The following IKBKB variants were observed in gnomAD, a reference collection of about 807,000 sequenced individuals.
IKBKB encodes inhibitor of nuclear factor kappa B kinase subunit beta.
Under a neutral mutation model 113.6 loss-of-function variants are expected in IKBKB, and 42 were observed. That is an observed-to-expected ratio of 0.37 (90% CI 0.29 to 0.48). The LOEUF is 0.48. Ranked by LOEUF, IKBKB falls within the 20% of genes least tolerant of loss-of-function variation. The pLI, the probability that IKBKB is intolerant of heterozygous loss-of-function variation, is 0.99. For synonymous variants in IKBKB, 296 were observed against 361.3 expected (o/e 0.82, Z 2.05); for missense variants, 673 against 939.7 (o/e 0.72, Z 3.71).
rs1251525121 is a variant in IKBKB, at chr8:42,316,420, A to T, written c.930+81A>T. 1.4e-5 allele frequency: 21 copies of T among 1,545,182 alleles called. No individual in the cohort carries two copies. The highest frequency in any genetic ancestry group is 1.8e-5 in the Non-Finnish European group (20 of 1,132,864). ...TGCAGTTCTTAGGACAGAGCAGGGGATGGGGCCAGCTGACCTAGTGAGGAA... is the reference window on the plus strand; with the variant it reads ...TGCAGTTCTTAGGACAGAGCAGGGGTTGGGGCCAGCTGACCTAGTGAGGAA... On this transcript the variant is annotated intron_variant, in intron 10 of 21. Transcript: ENST00000520810. This position sits in a 1 kb window ranked among gnomAD's most constrained non-coding sequence, Gnocchi z 4.5.
intron 5 of IKBKB, among the ~76,000 whole-genome samples, chr8:42,299,119 GTCT>G (rs1267016151): frequency 6.6e-6 from 1 of 152,100 alleles, no homozygotes; most frequent in East Asian, 1.9e-4. Context: ...AGCTCTGGTT[GTCT>G]TCTTCAGCCA....
rs1820546693 is a variant in IKBKB at position 42,325,366 on chromosome 8, GA to G, written c.1987-602del. On this transcript the variant is annotated intron_variant, in intron 19 of 21. Transcript: ENST00000520810. ...CTGTCTTCTACCTGGAAAACAGTAAGAATACTTTCCTGTTCTTTTCTTGTAA... is the reference window on the plus strand; with the variant it reads ...CTGTCTTCTACCTGGAAAACAGTAAGATACTTTCCTGTTCTTTTCTTGTAA... The G allele has an allele frequency of 6.1e-6, 6 of 985,826 alleles. No individual in the cohort carries two copies. The South Asian group carries it at 1.4e-4, about 23-fold the overall frequency. 61.1% of individuals were successfully genotyped at this position (985,826 alleles called of 1,614,324 possible).
At chr8:42,289,990 G>A (rs1365128102) in intron 3 of IKBKB, among the ~76,000 whole-genome samples, 166 bp from the exon 4 acceptor site, 2 of 152,170 alleles carry the variant, frequency 1.3e-5, no homozygotes, top group Non-Finnish European at 2.9e-5. Flanking sequence ...CTGGGTGAGC[G>A]CCACTGACCC....
intron 11 of IKBKB, chr8:42,317,280 C>G: frequency 2.4e-6 from 1 of 420,468 alleles, no homozygotes; most frequent in East Asian, 5.2e-5. Flanking sequence ...CCTCTGTGTA[C>G]AGAACTGGGT....
chr8:42,290,032 C>CT, intron 3 of IKBKB, 124 bp from the exon 4 acceptor site: 3 of 686,484 alleles, frequency 4.4e-6, no homozygotes, highest in South Asian at 3.6e-5. Context: ...GTCCTGGGCT[C>CT]TGTCTTCCTC....
chr8:42,327,330 CTTTTTTTTTTTT>C (rs397767670), intron 20 of IKBKB, among the ~76,000 whole-genome samples: 8 of 105,430 alleles, frequency 7.6e-5, no homozygotes, highest in Admixed American at 1.2e-4. Context: ...CTCTCTCTCT[CTTTTTTTTTTTT>C]TTTTTTTTTG....
rs769552713 is a variant in IKBKB at position 42,309,023 on chromosome 8, G to A, written c.690G>A (p.Gln230=). 5.6e-6 allele frequency: 9 copies of A among 1,613,494 alleles called. No individual in the cohort carries two copies. In the Admixed American group the frequency reaches 1.3e-4, roughly 24 times the overall value. Reference sequence around the variant, plus strand: ...TCCTCCCCAACTGGCAGCCCGTGCAGTGGTGAGTGGGCCCGGGGCACCTGG... The same window carrying A: ...TCCTCCCCAACTGGCAGCCCGTGCAATGGTGAGTGGGCCCGGGGCACCTGG... The part of the protein sequence containing the change: ...RPFLPNWQPV[Q]WHSKVRQKSE... The change falls in exon 8 of 22, where the codon CAG becomes CAA. Residue 230 remains glutamine (Q), a splice_region_variant and synonymous_variant. Coordinates refer to ENST00000520810, the MANE Select transcript of IKBKB (RefSeq NM_001556.3).
rs559789026 is a variant in IKBKB, at chr8:42,296,631, A to G, written c.388+3119A>G. Among the ~76,000 whole-genome samples the G allele has an allele frequency of 1.8e-4, 27 of 150,514 alleles. No homozygotes were observed. The East Asian group carries it at 4.5e-3, about 25-fold the overall frequency. On this transcript the variant is annotated intron_variant, in intron 5 of 21. Transcript: ENST00000520810. ...ACCATTGCACTCCAGCCTGGGCAAC[A>G]AGAGTGAAACTCCATCTCAAAAAAA...
chr8:42,326,135 G>C (rs1450616337), intron 20 of IKBKB, 38 bp downstream of exon 20: 1 of 1,612,028 alleles, frequency 6.2e-7, no homozygotes, highest in Non-Finnish European at 8.5e-7. Context: ...TGACCATCAA[G>C]GGCACGTCAG....
At chr8:42,284,645 G>A (rs1009020981) in intron 2 of IKBKB, among the ~76,000 whole-genome samples, 1 of 151,932 alleles carries the variant, frequency 6.6e-6, no homozygotes, top group African/African-American at 2.4e-5. Flanking sequence ...ATTGAATTAT[G>A]GAAAACTGTG....
intron 5 of IKBKB, among the ~76,000 whole-genome samples, chr8:42,304,967 C>T (rs1259245113): frequency 6.6e-6 from 1 of 152,228 alleles, no homozygotes; most frequent in Non-Finnish European, 1.5e-5. Flanking sequence ...AGTTGGTGAC[C>T]TCATGGATGC....
intron 20 of IKBKB, among the ~76,000 whole-genome samples, chr8:42,326,668 C>G (rs1267801990): frequency 2.0e-5 from 3 of 152,172 alleles, no homozygotes; most frequent in African/African-American, 7.2e-5. Flanking sequence ...CAGCTTCTCC[C>G]TCCATTATAG....
rs201846544 is a variant in IKBKB at position 42,331,415 on chromosome 8, C to T, written c.*436C>T. 3.7e-4 allele frequency: 259 copies of T among 702,598 alleles called. No homozygotes were observed. Among genetic ancestry groups the T allele is most frequent in the Non-Finnish European group, 2.6e-4 (99 of 385,002 alleles). The allele number at this position is 702,598 out of a possible 1,614,324, so 43.5% of individuals were successfully genotyped here. ...AATTCAAATCTTTCAGGGCAGAGTC[C>T]GAGCAGCGCTTGGTGACAGCCTGTC... is the stretch of plus-strand genomic sequence containing the variant. On this transcript the variant is annotated 3_prime_UTR_variant, in exon 22 of 22. Coordinates refer to ENST00000520810, the MANE Select transcript of IKBKB (RefSeq NM_001556.3).
At chr8:42,314,956 C>T (rs143952217) in intron 9 of IKBKB, among the ~76,000 whole-genome samples, 61 of 152,278 alleles carry the variant, frequency 4.0e-4, no homozygotes, top group African/African-American at 1.4e-3. Flanking sequence ...GTTCACATAA[C>T]AATTTATCTA....
At chr8:42,322,272 C>A in intron 18 of IKBKB, 75 bp from the exon 19 acceptor site, 1 of 1,586,498 alleles carries the variant, frequency 6.3e-7, no homozygotes, top group South Asian at 1.1e-5. Context: ...CAGCTGCTGA[C>A]TGGATGCACA....
chr8:42,310,324 T>C (rs1217091705), intron 8 of IKBKB, among the ~76,000 whole-genome samples: 3 of 152,168 alleles, frequency 2.0e-5, no homozygotes, highest in Non-Finnish European at 1.5e-5. Context: ...CATACCAGCC[T>C]CCCAGGCCCT....
rs140485496 is a variant in IKBKB at position 42,320,762 on chromosome 8, C to T, written c.1606C>T (p.Arg536Trp). ...RENEVKLLVE[R>W]MMALQTDIVD... Reference sequence around the variant, plus strand: ...GAACGAAGTGAAACTCCTGGTAGAACGGATGATGGCTCTGCAGACCGACAT... The same window carrying T: ...GAACGAAGTGAAACTCCTGGTAGAATGGATGATGGCTCTGCAGACCGACAT... Residue 536 changes from arginine (R) to tryptophan (W), a missense_variant, in exon 16 of 22, where the codon CGG (arginine) becomes TGG (tryptophan). Transcript: ENST00000520810. The T allele has an allele frequency of 9.7e-4, 1,568 of 1,612,576 alleles. 27 individuals are homozygous for T. Among genetic ancestry groups the T allele is most frequent in the East Asian group, 1.6e-4 (7 of 44,710 alleles).
chr8:42,315,682 CAG>C (rs768446755), intron 9 of IKBKB, among the ~76,000 whole-genome samples: 23 of 55,388 alleles, frequency 4.2e-4, no homozygotes, highest in Admixed American at 1.9e-3. Context: ...CTTTTTAAGA[CAG>C]AGTCTCCCTC....
chr8:42,329,569 A>C (rs1563377469), intron 21 of IKBKB: 12 of 924,448 alleles, frequency 1.3e-5, no homozygotes, highest in Non-Finnish European at 1.6e-5. Context: ...CAATTATTGA[A>C]GGCTTACAAC....
Sources: gnomAD v4.1 joint callset for allele counts (sites outside exome capture counted in the v4.1 genomes callset) on GRCh38, gnomAD v4.1.1 for gene constraint, Gnocchi (gnomAD v3.1) non-coding constraint, MANE v1.5 for transcripts, NCBI Gene and HGNC (gene_info 2026-07-23, HGNC 2026-07-21) for gene names.